The following SMAD1 variants were observed in gnomAD, a reference collection of about 807,000 sequenced individuals.
The protein encoded by SMAD1 is SMAD family member 1, also known as MAD, mothers against decapentaplegic homolog 1.
Under a neutral mutation model 41.6 loss-of-function variants are expected in SMAD1, and 6 were observed. That is an observed-to-expected ratio of 0.14 (90% CI 0.08 to 0.28). SMAD1 has a LOEUF of 0.28. Ranked by LOEUF, SMAD1 falls within the 10% of genes least tolerant of loss-of-function variation. The pLI is 1.00. For synonymous variants in SMAD1, 206 were observed against 203.2 expected (o/e 1.01, Z -0.12); for missense variants, 379 against 582.6 (o/e 0.65, Z 3.60).
intron 4 of SMAD1, among the ~76,000 whole-genome samples, chr4:145,543,215 C>T (rs1351032655): frequency 6.6e-6 from 1 of 152,186 alleles, no homozygotes; most frequent in Non-Finnish European, 1.5e-5. Flanking sequence ...GATCCGCCCA[C>T]CTTGGCCTCC....
intron 2 of SMAD1, among the ~76,000 whole-genome samples, chr4:145,523,119 C>T (rs898119796): frequency 1.3e-5 from 2 of 152,150 alleles, no homozygotes; most frequent in Non-Finnish European, 2.9e-5. Flanking sequence ...GCCGTGTGTT[C>T]CTGCGTGTCT....
intron 1 of SMAD1, among the ~76,000 whole-genome samples, chr4:145,503,163 A>G (rs1210292403): frequency 1.3e-5 from 2 of 152,202 alleles, no homozygotes; most frequent in Non-Finnish European, 2.9e-5. Context: ...CATCAGTCCC[A>G]TGTTTGGAAG....
chr4:145,510,439 T>G (rs2126386768), intron 1 of SMAD1, among the ~76,000 whole-genome samples: 1 of 152,306 alleles, frequency 6.6e-6, no homozygotes, highest in South Asian at 2.1e-4. Context: ...GCATTTTTGA[T>G]GTGATATTTT....
intron 6 of SMAD1, among the ~76,000 whole-genome samples, 155 bp from the exon 7 acceptor site, chr4:145,557,636 G>A (rs1732914979): frequency 6.6e-6 from 1 of 152,160 alleles, no homozygotes; most frequent in African/African-American, 2.4e-5. Context: ...GCGTGCGTTT[G>A]TGCATGTGTG....
In SMAD1 at chr4:145,540,121, AC is replaced by A. The variant is rs1297332917; in HGVS notation, c.658+61del. 3.1e-6 allele frequency: 5 copies of A among 1,590,732 alleles called. No individual in the cohort carries two copies. The East Asian group carries it at 1.1e-4, about 36-fold the overall frequency. ...TATCAGACAGTGTTATCACAGTGTC[AC>A]GGAAAAGCTGGGTCAACCTGCAGTG... On this transcript the variant is annotated intron_variant, in intron 3 of 6. Coordinates refer to ENST00000302085, the MANE Select transcript of SMAD1 (RefSeq NM_005900.3).
chr4:145,480,866 G>A (rs1446055669), upstream of SMAD1, among the ~76,000 whole-genome samples: 2 of 150,034 alleles, frequency 1.3e-5, no homozygotes, highest in Non-Finnish European at 3.0e-5. Flanking sequence ...TAGGTTAAGG[G>A]AAAAAGGAAT....
chr4:145,498,388 A>G (rs535038034), intron 1 of SMAD1, among the ~76,000 whole-genome samples: 21 of 152,284 alleles, frequency 1.4e-4, no homozygotes, highest in African/African-American at 4.8e-4. Flanking sequence ...ATGCAGATAC[A>G]CTTTCAATTA....
chr4:145,532,747 T>G (rs1731386006), intron 2 of SMAD1, among the ~76,000 whole-genome samples: 1 of 152,206 alleles, frequency 6.6e-6, no homozygotes, highest in African/African-American at 2.4e-5. Context: ...CATATTTGTT[T>G]TCCATAAAAT....
intron 1 of SMAD1, among the ~76,000 whole-genome samples, chr4:145,486,720 C>T (rs55835219): frequency 0.12 from 18,795 of 152,088 alleles, 3,533 homozygotes; most frequent in African/African-American, 0.41. Context: ...AATAGAGATA[C>T]TTAGTATTAA....
In SMAD1 at chr4:145,558,199, T is replaced by C. The variant is rs1732955315; in HGVS notation, c.*265T>C. ...AAAATTCAGACTTTTAGCAGGACTTTGTGTACAGTTAAAGGAGAGATGGCC... is the reference window on the plus strand; with the variant it reads ...AAAATTCAGACTTTTAGCAGGACTTCGTGTACAGTTAAAGGAGAGATGGCC... On this transcript the variant is annotated 3_prime_UTR_variant, in exon 7 of 7. Transcript: ENST00000302085. 1 of 271,610 alleles carries C rather than the reference T, an allele frequency of 3.7e-6. No individual in the cohort carries two copies. The highest frequency in any genetic ancestry group is 2.2e-5 in the African/African-American group (1 of 45,704). 16.8% of individuals were successfully genotyped at this position (271,610 alleles called of 1,614,324 possible).
chr4:145,529,172 TA>T (rs1343216017), intron 2 of SMAD1, among the ~76,000 whole-genome samples: 5 of 152,202 alleles, frequency 3.3e-5, no homozygotes, highest in African/African-American at 1.2e-4. Context: ...ACTGAGAAAC[TA>T]AAACCTGCTT....
At chr4:145,539,050 A>G (rs1251968630) in intron 2 of SMAD1, among the ~76,000 whole-genome samples, 3 of 152,148 alleles carry the variant, frequency 2.0e-5, no homozygotes, top group Admixed American at 6.5e-5. Context: ...GTGCCTACCT[A>G]TTGGGCCGCC....
At chr4:145,531,316 T>G (rs1220896100) in intron 2 of SMAD1, among the ~76,000 whole-genome samples, 1 of 152,214 alleles carries the variant, frequency 6.6e-6, no homozygotes, top group Non-Finnish European at 1.5e-5. Context: ...TGTCTCTGTT[T>G]AGAAGGTCAC....
At chr4:145,512,861 C>G (rs1730161325) in intron 1 of SMAD1, among the ~76,000 whole-genome samples, 1 of 152,110 alleles carries the variant, frequency 6.6e-6, no homozygotes, top group South Asian at 2.1e-4. Context: ...TTTCTTCTGG[C>G]AAGCTGTTAG....
At chr4:145,536,466 C>G (rs1309618750) in intron 2 of SMAD1, among the ~76,000 whole-genome samples, 1 of 151,982 alleles carries the variant, frequency 6.6e-6, no homozygotes, top group Non-Finnish European at 1.5e-5. Context: ...GAACAGGCAC[C>G]CAATGGCCAA....
At chr4:145,499,788 A>G (rs978643987) in intron 1 of SMAD1, among the ~76,000 whole-genome samples, 2 of 152,150 alleles carry the variant, frequency 1.3e-5, no homozygotes, top group Non-Finnish European at 2.9e-5. Flanking sequence ...AGCATTTCAG[A>G]TAAGGGATAC....
At chr4:145,526,296 C>T (rs1478024109) in intron 2 of SMAD1, among the ~76,000 whole-genome samples, 1 of 152,120 alleles carries the variant, frequency 6.6e-6, no homozygotes, top group Admixed American at 6.5e-5. Context: ...CTTTGTTTCC[C>T]TGTAGTTTCC....
chr4:145,557,970 G>A lies in SMAD1; in HGVS notation c.*36G>A. On this transcript the variant is annotated 3_prime_UTR_variant, in exon 7 of 7. Transcript: ENST00000302085. ...GCATCTGCCTCTGGAAAACTATTGA[G>A]CCTTGCATGTACTTGAAGGATGGAT... 2.6e-6 allele frequency: 4 copies of A among 1,540,474 alleles called. No individual in the cohort carries two copies. The highest frequency in any genetic ancestry group is 3.5e-6 in the Non-Finnish European group (4 of 1,132,950).
At chr4:145,490,828 GGTTAA>G (rs1481349747) in intron 1 of SMAD1, among the ~76,000 whole-genome samples, 2 of 152,126 alleles carry the variant, frequency 1.3e-5, no homozygotes, top group Non-Finnish European at 2.9e-5. Flanking sequence ...TGATTTTAAA[GGTTAA>G]GTTAATTAGA....
Sources: allele counts gnomAD v4.1 joint callset (sites outside exome capture counted in the v4.1 genomes callset), GRCh38; gene constraint gnomAD v4.1.1; transcripts MANE v1.5; gene names NCBI Gene and HGNC (gene_info 2026-07-23, HGNC 2026-07-21).